PPP1R9A: variants seen among roughly 807,000 people sequenced by gnomAD.
The protein encoded by PPP1R9A is neurabin-1.
In PPP1R9A, 59 loss-of-function variants were observed where a neutral mutation model predicts 141.9. That is an observed-to-expected ratio of 0.42 (90% CI 0.34 to 0.52). The LOEUF (loss-of-function observed/expected upper bound fraction) is 0.52, where lower values mean the gene tolerates loss of function less well. Among genes scored for constraint, PPP1R9A ranks in the 20% least tolerant of loss-of-function variants. PPP1R9A has a pLI of 0.10. For missense variants in PPP1R9A, 1,444 were observed against 1,611.9 expected (o/e 0.90, Z 1.78); for synonymous variants, 500 against 569.7 (o/e 0.88, Z 1.74).
At chr7:95,165,147 C>T (rs1159572992) in intron 5 of PPP1R9A, among the ~76,000 whole-genome samples, 1 of 152,188 alleles carries the variant, frequency 6.6e-6, no homozygotes, top group Non-Finnish European at 1.5e-5. Flanking sequence ...ACATAGCATT[C>T]ATTTACTGAT....
intron 2 of PPP1R9A, among the ~76,000 whole-genome samples, chr7:95,050,540 C>G (rs1049375846): frequency 1.3e-5 from 2 of 152,060 alleles, no homozygotes; most frequent in Admixed American, 1.3e-4. Flanking sequence ...CCAGCCTGAC[C>G]AATGTGGTGA....
intron 2 of PPP1R9A, among the ~76,000 whole-genome samples, chr7:95,091,316 T>C (rs1817309298): frequency 6.6e-6 from 1 of 150,910 alleles, no homozygotes; most frequent in South Asian, 2.1e-4. Context: ...AGTTGGTCTG[T>C]CTCTTTGCCT....
chr7:95,250,910 A>G (rs998036249), intron 10 of PPP1R9A, among the ~76,000 whole-genome samples: 10 of 151,856 alleles, frequency 6.6e-5, no homozygotes, highest in Non-Finnish European at 5.9e-5. Context: ...CTGACCACGG[A>G]GATTTTTACT....
intron 4 of PPP1R9A, chr7:95,155,348 A>G (rs1829436833): frequency 1.3e-5 from 2 of 151,978 alleles, no homozygotes; most frequent in African/African-American, 4.8e-5. Flanking sequence ...ATGCCGGCAC[A>G]CCTGGCTAAT....
At chr7:95,227,608 CAACAGCAAA>C (rs1468239958) in intron 8 of PPP1R9A, among the ~76,000 whole-genome samples, 4 of 152,134 alleles carry the variant, frequency 2.6e-5, no homozygotes, top group Admixed American at 1.3e-4. Context: ...TAACATACTA[CAACAGCAAA>C]GTTGAGTAGT....
chr7:94,930,275 C>T (rs961849182), intron 2 of PPP1R9A, among the ~76,000 whole-genome samples: 2 of 152,168 alleles, frequency 1.3e-5, no homozygotes, highest in East Asian at 1.9e-4. Context: ...TGAGAAATAG[C>T]GCTTCAGAGA....
intron 2 of PPP1R9A, among the ~76,000 whole-genome samples, chr7:95,047,787 G>A (rs1340537933): frequency 6.6e-6 from 1 of 152,140 alleles, no homozygotes; most frequent in Non-Finnish European, 1.5e-5. Context: ...ACACATTCTT[G>A]GGGTAGCTTT....
chr7:95,273,801 T>C (rs1802637562), intron 14 of PPP1R9A, 98 bp from the exon 15 acceptor site: 4 of 1,136,194 alleles, frequency 3.5e-6, no homozygotes, highest in Non-Finnish European at 4.9e-6. Flanking sequence ...CAATTAGGAA[T>C]TTAGGCAAAG....
At chr7:95,154,237 A>C (rs574211070) in intron 4 of PPP1R9A, among the ~76,000 whole-genome samples, 67 of 151,616 alleles carry the variant, frequency 4.4e-4, no homozygotes, top group African/African-American at 1.5e-3. Flanking sequence ...TGTTTCAATA[A>C]ATTTTTATAT....
intron 2 of PPP1R9A, among the ~76,000 whole-genome samples, chr7:95,094,740 C>T (rs1161306961): frequency 6.6e-5 from 10 of 151,726 alleles, no homozygotes; most frequent in Non-Finnish European, 1.5e-4. Context: ...ATTAGCCGGG[C>T]ATGGTGGCAT....
At chr7:95,086,451 A>T (rs1336986882) in intron 2 of PPP1R9A, among the ~76,000 whole-genome samples, 1 of 152,058 alleles carries the variant, frequency 6.6e-6, no homozygotes, top group East Asian at 1.9e-4. Context: ...CCTGAAAAAG[A>T]TTTGGAGAAG....
chr7:95,191,366 A>G (rs1003295297), intron 5 of PPP1R9A, among the ~76,000 whole-genome samples: 3 of 152,208 alleles, frequency 2.0e-5, no homozygotes, highest in Non-Finnish European at 2.9e-5. Flanking sequence ...GATTGCATAT[A>G]TTGAAGTGGT....
intron 16 of PPP1R9A, among the ~76,000 whole-genome samples, chr7:95,280,590 C>T (rs573528335): frequency 9.2e-5 from 14 of 152,246 alleles, no homozygotes; most frequent in African/African-American, 2.2e-4. Context: ...ATTATGAGGA[C>T]GAATTTGAAG....
chr7:95,205,314 A>G (rs1790549667), intron 7 of PPP1R9A, among the ~76,000 whole-genome samples: 1 of 152,210 alleles, frequency 6.6e-6, no homozygotes, highest in Non-Finnish European at 1.5e-5. Flanking sequence ...GATACGAAAT[A>G]CCAAATAAAC....
intron 2 of PPP1R9A, among the ~76,000 whole-genome samples, chr7:94,950,739 A>G (rs963850447): frequency 2.0e-5 from 3 of 152,092 alleles, no homozygotes; most frequent in African/African-American, 7.2e-5. Context: ...TTAAAAGGCA[A>G]TTAATTTAAA....
At chr7:95,080,260 T>A (rs2152276046) in intron 2 of PPP1R9A, among the ~76,000 whole-genome samples, 1 of 152,262 alleles carries the variant, frequency 6.6e-6, no homozygotes, top group East Asian at 1.9e-4. Context: ...ACAAAATCAA[T>A]GTGCAAAAAT....
At chr7:95,053,395 A>G (rs541254813) in intron 2 of PPP1R9A, among the ~76,000 whole-genome samples, 1 of 152,160 alleles carries the variant, frequency 6.6e-6, no homozygotes, top group Non-Finnish European at 1.5e-5. Flanking sequence ...GTTTTTGTAT[A>G]ATTTTCCCAC....
At chr7:94,950,426 A>G (rs2151023575) in intron 2 of PPP1R9A, among the ~76,000 whole-genome samples, 1 of 152,106 alleles carries the variant, frequency 6.6e-6, no homozygotes, top group South Asian at 2.1e-4. Flanking sequence ...ATATAGGGCA[A>G]GTTTTCTCAT....
intron 2 of PPP1R9A, among the ~76,000 whole-genome samples, chr7:94,976,678 C>G (rs887712002): frequency 1.3e-5 from 2 of 152,090 alleles, no homozygotes; most frequent in Non-Finnish European, 1.5e-5. Flanking sequence ...AAAAGAGGTT[C>G]TTTTTAGCAG....
Sources: allele counts gnomAD v4.1 joint callset (sites outside exome capture counted in the v4.1 genomes callset), GRCh38; gene constraint gnomAD v4.1.1; transcripts MANE v1.5; gene names NCBI Gene and HGNC (gene_info 2026-07-23, HGNC 2026-07-21).